Variants in MLLT3 observed in about 807,000 individuals in gnomAD.
MLLT3 encodes protein AF-9.
A neutral mutation model predicts 53.2 loss-of-function variants in MLLT3; 4 were observed. That is an observed-to-expected ratio of 0.08 (90% CI 0.04 to 0.17). MLLT3 has a LOEUF of 0.17. Among genes scored for constraint, MLLT3 ranks in the 10% least tolerant of loss-of-function variants. MLLT3 has a pLI of 1.00. For missense variants in MLLT3, 569 were observed against 684.0 expected (o/e 0.83, Z 1.87); for synonymous variants, 283 against 230.6 (o/e 1.23, Z -2.06).
intron 2 of MLLT3, among the ~76,000 whole-genome samples, chr9:20,596,004 T>C (rs182603531): frequency 4.3e-4 from 66 of 152,330 alleles, no homozygotes; most frequent in African/African-American, 1.5e-3. Flanking sequence ...CACATATGTC[T>C]AGTGGCTATT....
At chr9:20,393,811 G>C (rs1167980360) in intron 5 of MLLT3, among the ~76,000 whole-genome samples, 1 of 152,054 alleles carries the variant, frequency 6.6e-6, no homozygotes, top group Non-Finnish European at 1.5e-5. Flanking sequence ...TATTTTAAGA[G>C]CATAGAAAAC....
intron 2 of MLLT3, among the ~76,000 whole-genome samples, chr9:20,489,133 C>G (rs1187932100): frequency 1.3e-5 from 2 of 152,056 alleles, no homozygotes; most frequent in Non-Finnish European, 2.9e-5. Context: ...AAACAAATTC[C>G]TTGTTTCTCC....
At chr9:20,457,238 C>CTTTTT in intron 2 of MLLT3, among the ~76,000 whole-genome samples, 1 of 63,736 alleles carries the variant, frequency 1.6e-5, no homozygotes, top group Non-Finnish European at 3.3e-5. Context: ...ACAAGGACAT[C>CTTTTT]TTTTTTTTTT....
intron 5 of MLLT3, among the ~76,000 whole-genome samples, chr9:20,387,307 C>T (rs185511187): frequency 0.011 from 1,708 of 152,288 alleles, 18 homozygotes; most frequent in Non-Finnish European, 0.016. Flanking sequence ...GGTTCACAGG[C>T]TGTTTTTGCT....
At chr9:20,467,695 G>C (rs865941880) in intron 2 of MLLT3, among the ~76,000 whole-genome samples, 1 of 152,174 alleles carries the variant, frequency 6.6e-6, no homozygotes, top group Admixed American at 6.5e-5. Flanking sequence ...AATGCGCAAA[G>C]CATATTGCCT....
At chr9:20,576,621 C>A (rs778227204) in intron 2 of MLLT3, among the ~76,000 whole-genome samples, 1 of 151,972 alleles carries the variant, frequency 6.6e-6, no homozygotes, top group Admixed American at 6.6e-5. Flanking sequence ...ATATCTAGTT[C>A]GCCATCTTAT....
chr9:20,524,363 T>C (rs1176612920), intron 2 of MLLT3, among the ~76,000 whole-genome samples: 2 of 152,086 alleles, frequency 1.3e-5, no homozygotes, highest in Non-Finnish European at 2.9e-5. Context: ...CTTATCTCAG[T>C]TCTGGTATAA....
intron 2 of MLLT3, among the ~76,000 whole-genome samples, chr9:20,539,520 G>A (rs1344774970): frequency 6.6e-6 from 1 of 152,148 alleles, no homozygotes; most frequent in Non-Finnish European, 1.5e-5. Flanking sequence ...TTATAGGACA[G>A]CAGGAGAGAG....
At chr9:20,574,547 C>G (rs1027777907) in intron 2 of MLLT3, among the ~76,000 whole-genome samples, 5 of 152,148 alleles carry the variant, frequency 3.3e-5, no homozygotes, top group Non-Finnish European at 7.4e-5. Flanking sequence ...AGCATTATGT[C>G]TTAAAAATAA....
intron 2 of MLLT3, among the ~76,000 whole-genome samples, chr9:20,563,447 C>G (rs932051388): frequency 1.3e-5 from 2 of 152,020 alleles, no homozygotes; most frequent in African/African-American, 2.4e-5. Flanking sequence ...TTTTCCTTTT[C>G]TTTTTGTTGA....
At chr9:20,442,304 T>G (rs1033449844) in intron 4 of MLLT3, among the ~76,000 whole-genome samples, 6 of 152,194 alleles carry the variant, frequency 3.9e-5, no homozygotes, top group Non-Finnish European at 5.9e-5. Flanking sequence ...GCAGGAAATG[T>G]GTAGATGTCT....
intron 2 of MLLT3, among the ~76,000 whole-genome samples, chr9:20,573,062 C>A (rs745965984): frequency 6.6e-6 from 1 of 151,660 alleles, no homozygotes; most frequent in African/African-American, 2.4e-5. Context: ...CCTGTTGATA[C>A]TTTCATATCT....
At chr9:20,490,955 T>C (rs987038865) in intron 2 of MLLT3, among the ~76,000 whole-genome samples, 2 of 152,000 alleles carry the variant, frequency 1.3e-5, no homozygotes, top group Non-Finnish European at 2.9e-5. Context: ...ATAATATGAA[T>C]TAAAAATTGC....
chr9:20,489,293 C>A (rs1824888216), intron 2 of MLLT3, among the ~76,000 whole-genome samples: 1 of 152,164 alleles, frequency 6.6e-6, no homozygotes, highest in African/African-American at 2.4e-5. Flanking sequence ...TCTACAGAGG[C>A]AGGCCTATGT....
chr9:20,450,806 A>G lies in MLLT3; in HGVS notation c.277-2540T>C, dbSNP rs563473294. Among the ~76,000 whole-genome samples the G allele has an allele frequency of 4.6e-5, 7 of 152,330 alleles. No individual in the cohort carries two copies. In the East Asian group the frequency reaches 1.3e-3, roughly 29 times the overall value. ...TTTTTTATTTATCTGTCTATCCTCT[A>G]AGTTATAAAACAGAAGATGTAACTT... On this transcript the variant is annotated intron_variant, in intron 3 of 10. Transcript: ENST00000380338.
chr9:20,462,757 C>T (rs1563975159), intron 2 of MLLT3, among the ~76,000 whole-genome samples: 1 of 152,156 alleles, frequency 6.6e-6, no homozygotes. Context: ...AATGCTGTTT[C>T]CCACACCTCC....
intron 5 of MLLT3, among the ~76,000 whole-genome samples, chr9:20,394,740 A>C (rs763167055): frequency 1.2e-4 from 18 of 152,196 alleles, no homozygotes; most frequent in Admixed American, 6.5e-4. Flanking sequence ...ACGTATTTTT[A>C]AACTCTTTCT....
At chr9:20,619,937 C>T (rs983979206) in intron 2 of MLLT3, among the ~76,000 whole-genome samples, 1 of 152,148 alleles carries the variant, frequency 6.6e-6, no homozygotes, top group African/African-American at 2.4e-5. Flanking sequence ...TTTGCAAGAA[C>T]AGTCTCCCTG....
intron 5 of MLLT3, among the ~76,000 whole-genome samples, chr9:20,389,053 A>C (rs1586911887): frequency 6.6e-6 from 1 of 152,210 alleles, no homozygotes; most frequent in African/African-American, 2.4e-5. Flanking sequence ...ATCCACAAAA[A>C]CCTGTTTTCA....
Sources: allele counts gnomAD v4.1 joint callset (sites outside exome capture counted in the v4.1 genomes callset), GRCh38; gene constraint gnomAD v4.1.1; transcripts MANE v1.5; gene names NCBI Gene and HGNC (gene_info 2026-07-23, HGNC 2026-07-21).